HERC2: variants seen among roughly 807,000 people sequenced by gnomAD.
The protein encoded by HERC2 is E3 ubiquitin-protein ligase HERC2.
HERC2 carries 102 observed loss-of-function variants against 537.7 expected under a neutral mutation model. The observed-to-expected ratio is 0.19, with a 90% CI of 0.16 to 0.22. HERC2 has a LOEUF of 0.22. Ranked by LOEUF, HERC2 falls within the 10% of genes least tolerant of loss-of-function variation. The probability of loss-of-function intolerance (pLI) is 1.00; values close to 1 mark genes in which losing one functional copy is unlikely to be tolerated. For synonymous variants in HERC2, 2,224 were observed against 2,466.2 expected (o/e 0.90, Z 2.91); for missense variants, 4,236 against 6,198.2 (o/e 0.68, Z 10.63).
At chr15:28,225,715 A>AT (rs60794452) in intron 35 of HERC2, among the ~76,000 whole-genome samples, 1 of 149,646 alleles carries the variant, frequency 6.7e-6, no homozygotes. Flanking sequence ...AAAAAAAAAA[A>AT]GAAAGAAAAA....
In HERC2 at chr15:28,265,538, T is replaced by C; in HGVS notation, c.1870+80A>G. Reference sequence around the variant, plus strand: ...GGGTGGGTGGCCTCGTGAGGCCCACTGTACTCATCTCACTTCCTCCAGGGA... The same window carrying C: ...GGGTGGGTGGCCTCGTGAGGCCCACCGTACTCATCTCACTTCCTCCAGGGA... On this transcript the variant is annotated intron_variant, in intron 14 of 92. Coordinates refer to ENST00000261609, the MANE Select transcript of HERC2 (RefSeq NM_004667.6). The surrounding 1 kb of genome is among the most constrained non-coding windows in gnomAD (Gnocchi z 4.0). The C allele has an allele frequency of 8.3e-7, 1 of 1,200,944 alleles. No individual in the cohort carries two copies. The highest frequency in any genetic ancestry group is 1.2e-6 in the Non-Finnish European group (1 of 814,000). 74.4% of individuals were successfully genotyped at this position (1,200,944 alleles called of 1,614,324 possible).
At chr15:28,267,134 A>C (rs1253440357) in intron 12 of HERC2, among the ~76,000 whole-genome samples, 3 of 152,308 alleles carry the variant, frequency 2.0e-5, no homozygotes, top group South Asian at 2.1e-4. Flanking sequence ...TTGAAAATCT[A>C]CAGAAGCCAG....
At position 28,132,224 on chromosome 15, in the gene HERC2, G is replaced by A. The variant is rs1482809325; in HGVS notation, c.12446C>T (p.Ala4149Val). 6.2e-7 allele frequency: 1 copy of A among 1,613,726 alleles called. No individual in the cohort carries two copies. The highest frequency in any genetic ancestry group is 2.2e-5 in the East Asian group (1 of 44,852). Residue 4149 changes from alanine to valine, a missense_variant, in exon 81 of 93, where the codon GCC becomes GTC. Transcript: ENST00000261609. ...ALQGHRVVDI[A>V]CGSGDAQTLC... is the part of the protein sequence containing the mutation. ...GGTCTGGGCATCTCCACTGCCACAG[G>A]CGATGTCAACCACACGGTGGCCCTG...
intron 2 of HERC2, among the ~76,000 whole-genome samples, chr15:28,310,680 C>T (rs1244240305): frequency 2.0e-5 from 3 of 152,030 alleles, no homozygotes; most frequent in African/African-American, 7.2e-5. Flanking sequence ...CCATGTGGGC[C>T]GTGCTCCAGG....
At chr15:28,317,005 G>A (rs1213585969) in intron 2 of HERC2, among the ~76,000 whole-genome samples, 2 of 152,070 alleles carry the variant, frequency 1.3e-5, no homozygotes, top group Non-Finnish European at 2.9e-5. Context: ...TCGATCTCCT[G>A]ACCTCAGCCT....
intron 30 of HERC2, among the ~76,000 whole-genome samples, chr15:28,232,704 C>A (rs545684444): frequency 6.6e-6 from 1 of 152,328 alleles, no homozygotes; most frequent in South Asian, 2.1e-4. Context: ...ACAGCTACTT[C>A]CAGGAAAATG....
chr15:28,153,404 A>G (rs193285177), intron 69 of HERC2, among the ~76,000 whole-genome samples: 7 of 152,234 alleles, frequency 4.6e-5, no homozygotes, highest in Non-Finnish European at 8.8e-5. Context: ...TTGTAATACA[A>G]GCACTTTGGG....
intron 38 of HERC2, among the ~76,000 whole-genome samples, chr15:28,216,980 T>C (rs1461608018): frequency 1.3e-5 from 2 of 152,106 alleles, no homozygotes; most frequent in Non-Finnish European, 2.9e-5. Flanking sequence ...TAACCTCCCA[T>C]TCACTGACAC....
Position 28,111,145 on chromosome 15 carries a change from A to C in HERC2, c.*618T>G, listed in dbSNP as rs1331326064. 1 of 152,562 alleles carries C rather than the reference A, an allele frequency of 6.6e-6. No homozygotes were observed. The highest frequency in any genetic ancestry group is 2.4e-5 in the African/African-American group (1 of 41,460). The allele number at this position is 152,562 out of a possible 1,614,324, so 9.5% of individuals were successfully genotyped here. A position where few individuals can be genotyped will look rare whatever the true frequency, so the allele number is the denominator to read the frequency against. The stretch of plus-strand genomic sequence containing the variant: ...CATGATAGAAGTTATGATGCTGTTC[A>C]CAGAAAGGCCTCAATTCAGATGACA... On this transcript the variant is annotated 3_prime_UTR_variant, in exon 93 of 93. Coordinates refer to ENST00000261609, the MANE Select transcript of HERC2 (RefSeq NM_004667.6).
chr15:28,165,755 G>A lies in HERC2; in HGVS notation c.10554+1932C>T, dbSNP rs570800071. On this transcript the variant is annotated intron_variant, in intron 68 of 92. Transcript: ENST00000261609. Reference sequence around the variant, plus strand: ...GTTGAGGCTGCAGTGAGCCAAGATCGTGCCACTCTACTGCAGCCTGGGCAA... The same window carrying A: ...GTTGAGGCTGCAGTGAGCCAAGATCATGCCACTCTACTGCAGCCTGGGCAA... 2.0e-5 allele frequency among the ~76,000 whole-genome samples: 3 copies of A among 152,176 alleles called. 1 individual carries two copies. Among genetic ancestry groups the A allele is most frequent in the Admixed American group, 1.3e-4 (2 of 15,278 alleles).
At chr15:28,280,383 C>A in intron 4 of HERC2, 96 bp from the exon 5 acceptor site, 3 of 984,034 alleles carry the variant, frequency 3.0e-6, no homozygotes, top group South Asian at 1.6e-5. Flanking sequence ...AGGTAGTACT[C>A]GAAGGCATGA....
rs1055610269 is a variant in HERC2, at chr15:28,185,478, T to C, written c.8825+1099A>G. Reference sequence around the variant, plus strand: ...GCAATTTCACTTTCAGCAATTTATCTAGGAAAATACAACTTCTATGAGGAC... The same window carrying C: ...GCAATTTCACTTTCAGCAATTTATCCAGGAAAATACAACTTCTATGAGGAC... On this transcript the variant is annotated intron_variant, in intron 56 of 92. Coordinates refer to ENST00000261609, the MANE Select transcript of HERC2 (RefSeq NM_004667.6). 2.0e-5 allele frequency among the ~76,000 whole-genome samples: 3 copies of C among 152,354 alleles called. 1 individual carries two copies. In the East Asian group the frequency reaches 5.8e-4, roughly 29 times the overall value.
At chr15:28,135,046 T>C (rs201872070) in intron 79 of HERC2, among the ~76,000 whole-genome samples, 2 of 152,278 alleles carry the variant, frequency 1.3e-5, no homozygotes, top group East Asian at 3.9e-4. Flanking sequence ...ATCTGGCTGG[T>C]AGTTCTCATT....
chr15:28,195,143 T>C (rs532028349), intron 52 of HERC2, among the ~76,000 whole-genome samples: 1 of 152,090 alleles, frequency 6.6e-6, no homozygotes, highest in Non-Finnish European at 1.5e-5. Context: ...TTTTGCATTG[T>C]TTAGGTGGAG....
rs1214900127 is a variant in HERC2 at position 28,142,871 on chromosome 15, T to C, written c.11500A>G (p.Ile3834Val). 2 of 1,589,896 alleles carry C rather than the reference T, an allele frequency of 1.3e-6. No homozygotes were observed. The highest frequency in any genetic ancestry group is 1.7e-6 in the Non-Finnish European group (2 of 1,159,328). ...LQRQFEYEDP[I>V]VRGGKQLLHS... Reference sequence around the variant, plus strand: ...AGCAGCTGTTTGCCACCCCTCACAATAGGATCTTCATATTCAAACTGCCTT... The same window carrying C: ...AGCAGCTGTTTGCCACCCCTCACAACAGGATCTTCATATTCAAACTGCCTT... Residue 3834 changes from isoleucine (I) to valine (V), a missense_variant, in exon 75 of 93, where the codon ATT becomes GTT. By Grantham distance (29) the Ile-to-Val change is conservative (BLOSUM62 3). Coordinates refer to ENST00000261609, the MANE Select transcript of HERC2 (RefSeq NM_004667.6).
At chr15:28,130,085 T>A in intron 83 of HERC2, 78 bp downstream of exon 83, 1 of 1,566,676 alleles carries the variant, frequency 6.4e-7, no homozygotes, top group Non-Finnish European at 8.7e-7. Context: ...TGCCCCCTTT[T>A]AAGGCTGCGC....
At chr15:28,227,548 G>A (rs1901336892) in intron 35 of HERC2, among the ~76,000 whole-genome samples, 1 of 151,926 alleles carries the variant, frequency 6.6e-6, no homozygotes, top group East Asian at 1.9e-4. Context: ...CACTGGTGGT[G>A]GGAATGTAAA....
At chr15:28,293,289 C>T (rs1346888376) in intron 3 of HERC2, among the ~76,000 whole-genome samples, 3 of 151,958 alleles carry the variant, frequency 2.0e-5, no homozygotes, top group South Asian at 2.1e-4. Flanking sequence ...GTCAGGAGAT[C>T]GAGACCATCC....
At chr15:28,291,861 C>T (rs1476869246) in intron 4 of HERC2, among the ~76,000 whole-genome samples, 4 of 132,464 alleles carry the variant, frequency 3.0e-5, no homozygotes, top group Admixed American at 1.8e-4. Context: ...GCCAAGATCA[C>T]GCCACTGTAC....
Sources: gnomAD v4.1 joint callset for allele counts (sites outside exome capture counted in the v4.1 genomes callset) on GRCh38, gnomAD v4.1.1 for gene constraint, Gnocchi (gnomAD v3.1) non-coding constraint, MANE v1.5 for transcripts, NCBI Gene and HGNC (gene_info 2026-07-23, HGNC 2026-07-21) for gene names.